ZNF469: variants seen among roughly 807,000 people sequenced by gnomAD.
ZNF469 encodes the protein zinc finger protein 469.
In ZNF469, 1 loss-of-function variant was observed where a neutral mutation model predicts 1.0. The ratio of observed to expected loss-of-function variants is 1.00; its 90% CI spans 0.35 to 4.73. The LOEUF is 4.73. ZNF469 is among the 30% of genes most tolerant of loss of function. The probability of loss-of-function intolerance (pLI) is 0.16; values close to 1 mark genes in which losing one functional copy is unlikely to be tolerated. For synonymous variants in ZNF469, 2,703 were observed against 2,363.4 expected (o/e 1.14, Z -4.17); for missense variants, 6,100 against 5,356.3 (o/e 1.14, Z -4.33).
the ZNF469 span, among the ~76,000 whole-genome samples, chr16:88,358,325 C>T: frequency 6.6e-6 from 1 of 152,202 alleles, no homozygotes; most frequent in East Asian, 1.9e-4. Flanking sequence ...GGTCTTCCCA[C>T]CCGGCCTCCA....
chr16:88,303,776 G>A, the ZNF469 span, among the ~76,000 whole-genome samples: 2 of 152,206 alleles, frequency 1.3e-5, no homozygotes, highest in African/African-American at 4.8e-5. Context: ...GCCTGCTAAG[G>A]GGTGGGCTCC....
chr16:88,103,478 G>A, the ZNF469 span, among the ~76,000 whole-genome samples: 4 of 152,230 alleles, frequency 2.6e-5, no homozygotes, highest in East Asian at 3.9e-4. Context: ...GTGAAGACCC[G>A]GTGCTGGGGC....
At chr16:88,197,622 C>A in the ZNF469 span, among the ~76,000 whole-genome samples, 36 of 152,346 alleles carry the variant, frequency 2.4e-4, no homozygotes, top group Non-Finnish European at 4.6e-4. Context: ...CAACACTTAC[C>A]CTCCCCATGG....
At position 88,431,604 on chromosome 16, in the gene ZNF469, C is replaced by T; in HGVS notation, c.4134C>T (p.Ser1378=). Residue 1378 remains serine (S), a synonymous_variant, in exon 3 of 3, where the codon AGC becomes AGT. Coordinates refer to ENST00000565624, the MANE Select transcript of ZNF469 (RefSeq NM_001367624.2). ...AAAAGGGGCCTCAGCCCTACAGCAG[C>T]CCCCACAGTGAGTTGTTCCTCGGAC... ...VAKKGPQPYS[S]PHSELFLGPK... 6.4e-7 allele frequency: 1 copy of T among 1,550,470 alleles called. No homozygotes were observed. The highest frequency in any genetic ancestry group is 8.7e-7 in the Non-Finnish European group (1 of 1,146,996).
the ZNF469 span, among the ~76,000 whole-genome samples, chr16:88,136,667 G>A: frequency 6.6e-6 from 1 of 152,260 alleles, no homozygotes; most frequent in East Asian, 1.9e-4. Flanking sequence ...CTGAACGATG[G>A]ACGTCTGATG....
chr16:88,221,080 C>G, the ZNF469 span, among the ~76,000 whole-genome samples: 2 of 152,160 alleles, frequency 1.3e-5, no homozygotes, highest in African/African-American at 4.8e-5. Flanking sequence ...CCAGGCCCTT[C>G]TGCTGCTCCT....
chr16:88,137,934 G>T, the ZNF469 span, among the ~76,000 whole-genome samples: 1 of 152,258 alleles, frequency 6.6e-6, no homozygotes, highest in East Asian at 1.9e-4. Context: ...AGCTCTAGGG[G>T]TGCTGTCTTG....
the ZNF469 span, among the ~76,000 whole-genome samples, chr16:88,158,650 G>A: frequency 6.6e-6 from 1 of 152,212 alleles, no homozygotes; most frequent in South Asian, 2.1e-4. Flanking sequence ...GGAAAACGGA[G>A]GGGAAGAGAT....
the ZNF469 span, among the ~76,000 whole-genome samples, chr16:88,319,185 G>C: frequency 0.22 from 33,530 of 152,128 alleles, 4,413 homozygotes; most frequent in Middle Eastern, 0.33. Flanking sequence ...AGATGGAAGA[G>C]GGTCTGGGTG....
chr16:88,193,144 GTGGTGGGGA>G, the ZNF469 span, among the ~76,000 whole-genome samples: 3 of 36,570 alleles, frequency 8.2e-5, no homozygotes, highest in Non-Finnish European at 1.1e-4. Flanking sequence ...GGTGGTGATG[GTGGTGGGGA>G]TGGTGGTGAT....
rs536092021 is a variant in ZNF469 at position 88,405,053 on chromosome 16, A to G, written c.-191-19754A>G. Among the ~76,000 whole-genome samples, 246 of 152,288 alleles carry G rather than the reference A, an allele frequency of 1.6e-3. 1 individual carries two copies. The highest frequency in any genetic ancestry group is 5.6e-3 in the African/African-American group (234 of 41,548). ...CGGGGAGGGGGTCAGCCCTCCCGGA[A>G]CCACATGAACACAGGGCAGGGGAGG... is the stretch of plus-strand genomic sequence containing the variant. On this transcript the variant is annotated intron_variant, in intron 1 of 2. Transcript: ENST00000565624.
intron 1 of ZNF469, among the ~76,000 whole-genome samples, chr16:88,411,555 C>T (rs1038419596): frequency 5.7e-5 from 8 of 140,638 alleles, no homozygotes; most frequent in African/African-American, 2.2e-4. Flanking sequence ...CATGGCTCTC[C>T]CGCATGGCTG....
chr16:88,290,137 G>A, the ZNF469 span, among the ~76,000 whole-genome samples: 1 of 152,242 alleles, frequency 6.6e-6, no homozygotes, highest in Non-Finnish European at 1.5e-5. Context: ...GGCACTTAGA[G>A]TGCCGGGAGC....
At chr16:88,169,920 G>A in the ZNF469 span, among the ~76,000 whole-genome samples, 6 of 152,212 alleles carry the variant, frequency 3.9e-5, no homozygotes, top group East Asian at 1.9e-4. This position sits in a 1 kb window ranked among gnomAD's most constrained non-coding sequence, Gnocchi z 6.1. Context: ...CCTGGCTGGG[G>A]TTTCGAGATG....
At chr16:88,169,246 G>A in the ZNF469 span, among the ~76,000 whole-genome samples, 2 of 152,228 alleles carry the variant, frequency 1.3e-5, no homozygotes, top group Admixed American at 6.5e-5. The surrounding 1 kb of genome is among the most constrained non-coding windows in gnomAD (Gnocchi z 6.1). Context: ...TTGCTGGGAT[G>A]TAATCTACGT....
the ZNF469 span, among the ~76,000 whole-genome samples, chr16:88,182,550 A>T: frequency 1.7e-3 from 255 of 152,148 alleles, 2 homozygotes; most frequent in African/African-American, 6.0e-3. Context: ...CAAGTCAGTC[A>T]ACAAAACAAA....
Position 88,430,409 on chromosome 16 carries a change from C to T in ZNF469, c.2939C>T (p.Pro980Leu), listed in dbSNP as rs1401052600. The T allele has an allele frequency of 1.3e-6, 2 of 1,520,554 alleles. No individual in the cohort carries two copies. The highest frequency in any genetic ancestry group is 2.8e-5 in the African/African-American group (2 of 72,314). 94.2% of individuals were successfully genotyped at this position (1,520,554 alleles called of 1,614,324 possible). ...GGCGGCAGAGCCTCCGGCCTGAGGC[C>T]CCGGAGGAACGACGGTCTCGGGGAG... Reference protein sequence around the residue: ...GGGGRASGLRPRRNDGLGERP... With the variant: ...GGGGRASGLRLRRNDGLGERP... The change falls in exon 3 of 3, where the codon CCC becomes CTC. Residue 980 changes from proline (P) to leucine (L), a missense_variant. Coordinates refer to ENST00000565624, the MANE Select transcript of ZNF469 (RefSeq NM_001367624.2).
the ZNF469 span, among the ~76,000 whole-genome samples, chr16:88,132,455 T>C: frequency 1.3e-5 from 2 of 152,138 alleles, no homozygotes; most frequent in African/African-American, 2.4e-5. Context: ...TGGCCCCATC[T>C]CTCCAGCTCC....
the ZNF469 span, chr16:88,101,062 G>A: frequency 8.9e-5 from 19 of 213,774 alleles, no homozygotes; most frequent in South Asian, 8.0e-4. Flanking sequence ...ACGCCTGCTC[G>A]CTCCAGGGTA....
Sources: gnomAD v4.1 joint callset for allele counts (sites outside exome capture counted in the v4.1 genomes callset) on GRCh38, gnomAD v4.1.1 for gene constraint, Gnocchi (gnomAD v3.1) non-coding constraint, MANE v1.5 for transcripts, NCBI Gene and HGNC (gene_info 2026-07-23, HGNC 2026-07-21) for gene names.